Variants in DOP1B observed in about 807,000 individuals in gnomAD.
DOP1B encodes DOP1 leucine zipper like protein B.
In DOP1B, 174 loss-of-function variants were observed where a neutral mutation model predicts 233.5. The ratio of observed to expected loss-of-function variants is 0.75; its 90% CI spans 0.66 to 0.85. The LOEUF is 0.85. Ranked by LOEUF, DOP1B falls within the 40% of genes least tolerant of loss-of-function variation. DOP1B has a pLI of 0.00. For missense variants in DOP1B, 2,652 were observed against 2,846.6 expected, an observed-to-expected ratio of 0.93 and a Z score of 1.56; for synonymous variants, 1,190 against 1,185.6, an observed-to-expected ratio of 1.00 and a Z score of -0.08.
Position 36,231,175 on chromosome 21 carries a change from A to G in DOP1B, c.2350+41A>G, listed in dbSNP as rs1021169240. 5 of 1,538,648 alleles carry G rather than the reference A, an allele frequency of 3.2e-6. No individual in the cohort carries two copies. In the African/African-American group the frequency reaches 6.9e-5, roughly 21 times the overall value. ...GCCGAAGTCCCTCTTTGGGAATCAT[A>G]CGATGAGGCGATTGACGTGGGTGGA... On this transcript the variant is annotated intron_variant, in intron 14 of 36. Transcript: ENST00000691173.
chr21:36,223,541 A>G lies in DOP1B; in HGVS notation c.1370+191A>G, dbSNP rs972743512. ...TTCTAGCAGAATAAAAACATCTCCA[A>G]TAAGAAGGTTCACATAATCTTTGCC... On this transcript the variant is annotated intron_variant, in intron 11 of 36. Transcript: ENST00000691173. Among the ~76,000 whole-genome samples the G allele has an allele frequency of 2.6e-5, 4 of 152,230 alleles. No individual in the cohort carries two copies. In the East Asian group the frequency reaches 5.8e-4, roughly 22 times the overall value.
intron 12 of DOP1B, among the ~76,000 whole-genome samples, chr21:36,227,464 G>T (rs533430929): frequency 1.3e-5 from 2 of 151,418 alleles, no homozygotes; most frequent in African/African-American, 4.8e-5. Flanking sequence ...GGAGAATGGC[G>T]TGAACCCGGG....
chr21:36,224,172 C>T (rs1388043572), intron 11 of DOP1B, among the ~76,000 whole-genome samples: 2 of 151,902 alleles, frequency 1.3e-5, no homozygotes, highest in Admixed American at 6.6e-5. Context: ...TATTTTATGA[C>T]GGAGTCTCTG....
intron 30 of DOP1B, among the ~76,000 whole-genome samples, chr21:36,279,924 A>G (rs1349167121): frequency 6.6e-6 from 1 of 152,166 alleles, no homozygotes; most frequent in Non-Finnish European, 1.5e-5. Context: ...TGCCCAGGCT[A>G]GAGTGCTATG....
intron 32 of DOP1B, among the ~76,000 whole-genome samples, chr21:36,285,359 C>T (rs979273696): frequency 1.3e-5 from 2 of 152,094 alleles, no homozygotes; most frequent in East Asian, 1.9e-4. Flanking sequence ...CATGTCTGGC[C>T]GGGAAAAAGA....
chr21:36,284,265 C>CTTTTTTTTTTTTTTTT (rs71326667), intron 32 of DOP1B, among the ~76,000 whole-genome samples: 1 of 75,872 alleles, frequency 1.3e-5, no homozygotes, highest in African/African-American at 5.8e-5. Flanking sequence ...TTCCTTCTTT[C>CTTTTTTTTTTTTTTTT]TTTTTTTTTT....
At position 36,168,387 on chromosome 21, in the gene DOP1B, G is replaced by A. The variant is rs115012714; in HGVS notation, c.138+3516G>A. On this transcript the variant is annotated intron_variant, in intron 2 of 36. Transcript: ENST00000691173. ...ATTCTTTGGGGTGCATACTTAGGAG[G>A]GGCATTGCTGGGACATACGGAAACG... Among the ~76,000 whole-genome samples the A allele has an allele frequency of 3.4e-3, 522 of 152,058 alleles. 3 individuals are homozygous for A. The highest frequency in any genetic ancestry group is 0.012 in the African/African-American group (509 of 41,434).
At chr21:36,240,392 A>G (rs1569043605) in intron 18 of DOP1B, among the ~76,000 whole-genome samples, 3 of 152,176 alleles carry the variant, frequency 2.0e-5, no homozygotes, top group Non-Finnish European at 1.5e-5. Flanking sequence ...AGGCAGGAGA[A>G]TCTCTTGAAC....
intron 22 of DOP1B, among the ~76,000 whole-genome samples, chr21:36,252,037 C>T (rs919625685): frequency 8.6e-5 from 13 of 152,022 alleles, no homozygotes; most frequent in South Asian, 2.1e-4. Context: ...ATTAGCCGGG[C>T]GTGGTGTTGT....
At chr21:36,205,341 G>A (rs2066415168) in intron 4 of DOP1B, among the ~76,000 whole-genome samples, 1 of 152,084 alleles carries the variant, frequency 6.6e-6, no homozygotes, top group Admixed American at 6.6e-5. Flanking sequence ...AAATACTTGG[G>A]GTTTGGAAGT....
chr21:36,245,861 T>C lies in DOP1B; in HGVS notation c.3881T>C (p.Phe1294Ser). Residue 1294 changes from phenylalanine (F) to serine (S), a missense_variant, in exon 19 of 37, where the codon TTC (phenylalanine) becomes TCC (serine). By Grantham distance (155) the Phe-to-Ser change is radical. Around this residue, in one of 3 missense-constraint regions of DOP1B, gnomAD observed 2,617 missense variants for 2,794.3 expected, o/e 0.94. Coordinates refer to ENST00000691173, the MANE Select transcript of DOP1B (RefSeq NM_001320714.2). This position sits in a 1 kb window ranked among gnomAD's most constrained non-coding sequence, Gnocchi z 5.5. Reference protein sequence around the residue: ...RHQEALIGQSFYGKLQTQVPN... With the variant: ...RHQEALIGQSSYGKLQTQVPN... ...CAGGAGGCCCTCATTGGCCAGAGTT[T>C]CTACGGAAAGCTCCAGACCCAGGTC... 2 of 1,613,850 alleles carry C rather than the reference T, an allele frequency of 1.2e-6. No individual in the cohort carries two copies. Among genetic ancestry groups the C allele is most frequent in the East Asian group, 2.2e-5 (1 of 44,860 alleles).
chr21:36,227,227 TAAATAAAATA>T (rs1188600539), intron 12 of DOP1B, among the ~76,000 whole-genome samples: 1 of 143,124 alleles, frequency 7.0e-6, no homozygotes, highest in South Asian at 2.2e-4. Context: ...AATAAATAAA[TAAATAAAATA>T]AAATAAAATA....
At chr21:36,173,718 C>T (rs1358499218) in intron 2 of DOP1B, among the ~76,000 whole-genome samples, 2 of 152,106 alleles carry the variant, frequency 1.3e-5, no homozygotes, top group Non-Finnish European at 2.9e-5. Flanking sequence ...CCGCCGCGCC[C>T]GGCCCAAGAA....
chr21:36,157,695 A>T (rs988357433), intron 1 of DOP1B, among the ~76,000 whole-genome samples: 3 of 152,238 alleles, frequency 2.0e-5, no homozygotes, highest in Non-Finnish European at 1.5e-5. Context: ...TTGAAAGACC[A>T]CATTCAAAAC....
intron 36 of DOP1B, 100 bp from the exon 37 acceptor site, chr21:36,293,220 A>T: frequency 4.1e-6 from 5 of 1,214,392 alleles, no homozygotes; most frequent in Non-Finnish European, 5.7e-6. Flanking sequence ...AAAAAAAAAA[A>T]GGACCTTATT....
intron 27 of DOP1B, among the ~76,000 whole-genome samples, chr21:36,273,965 C>T (rs2067320689): frequency 6.6e-6 from 1 of 152,074 alleles, no homozygotes; most frequent in African/African-American, 2.4e-5. Context: ...GTAGTCCCAG[C>T]TACTGGGGAG....
intron 26 of DOP1B, among the ~76,000 whole-genome samples, chr21:36,269,552 A>C (rs1601467556): frequency 6.6e-6 from 1 of 151,550 alleles, no homozygotes; most frequent in South Asian, 2.1e-4. Flanking sequence ...ACGAAGTCTC[A>C]CTCTGTCATC....
chr21:36,205,035 G>A (rs865906192), intron 4 of DOP1B, among the ~76,000 whole-genome samples: 4 of 152,206 alleles, frequency 2.6e-5, no homozygotes, highest in Middle Eastern at 6.8e-3. Context: ...CCCCTCTTTA[G>A]CGCTGTTTCT....
intron 4 of DOP1B, among the ~76,000 whole-genome samples, chr21:36,202,382 A>T: frequency 6.6e-6 from 1 of 152,172 alleles, no homozygotes; most frequent in East Asian, 1.9e-4. Flanking sequence ...TGCTTGTAAA[A>T]GCTGCCATGT....
Sources: allele counts gnomAD v4.1 joint callset (sites outside exome capture counted in the v4.1 genomes callset), GRCh38; gene constraint gnomAD v4.1.1; regional missense constraint gnomAD v4.1.1; non-coding constraint Gnocchi (gnomAD v3.1); transcripts MANE v1.5; gene names NCBI Gene and HGNC (gene_info 2026-07-23, HGNC 2026-07-21).